Variants in CBFA2T3 observed in about 807,000 individuals in gnomAD.
The protein encoded by CBFA2T3 is transcriptional corepressor CBFA2T3.
Under a neutral mutation model 58.6 loss-of-function variants are expected in CBFA2T3, and 31 were observed. The ratio of observed to expected loss-of-function variants is 0.53; its 90% confidence interval spans 0.40 to 0.71. The LOEUF is 0.71. Ranked by LOEUF, CBFA2T3 falls within the 30% of genes least tolerant of loss-of-function variation. The pLI, the probability that CBFA2T3 is intolerant of heterozygous loss-of-function variation, is 0.00. For synonymous variants in CBFA2T3, 531 were observed against 421.9 expected (o/e 1.26, Z -3.17); for missense variants, 1,076 against 963.1 (o/e 1.12, Z -1.55).
intron 1 of CBFA2T3, among the ~76,000 whole-genome samples, chr16:88,934,845 T>G (rs1428159050): frequency 6.6e-6 from 1 of 152,192 alleles, no homozygotes; most frequent in Non-Finnish European, 1.5e-5. Context: ...GTTCACGCTA[T>G]TCTCCTGCCT....
chr16:88,911,404 G>A (rs1309268347), intron 1 of CBFA2T3, among the ~76,000 whole-genome samples: 1 of 152,250 alleles, frequency 6.6e-6, no homozygotes, highest in Non-Finnish European at 1.5e-5. Context: ...TGGGTAAGAT[G>A]CAGTGCCTCT....
chr16:88,954,438 T>C (rs7498507), intron 1 of CBFA2T3, among the ~76,000 whole-genome samples: 2,665 of 43,812 alleles, frequency 0.061, 238 homozygotes, highest in African/African-American at 0.17. Context: ...CCTGACCCCA[T>C]CCAAGGCTCC....
chr16:88,902,605 G>C (rs1216578516), intron 1 of CBFA2T3: 2 of 152,286 alleles, frequency 1.3e-5, no homozygotes, highest in Non-Finnish European at 2.9e-5. Flanking sequence ...CAGCACAGAC[G>C]TGCCCGAGAC....
In CBFA2T3 at chr16:88,885,240, G is replaced by C; in HGVS notation, c.923C>G (p.Pro308Arg). ...RTKENGSDRD[P>R]LHPEHLSKRP... ...TTTGCTGAGGTGCTCGGGGTGCAGC[G>C]GGTCGCGGTCTGACCCGTTCTCTTT... The change falls in exon 7 of 12, where the codon CCG becomes CGG. Residue 308 changes from proline (P) to arginine (R), a missense_variant. By Grantham distance (103) the Pro-to-Arg change is moderately radical. Transcript: ENST00000268679. The surrounding 1 kb of genome is among the most constrained non-coding windows in gnomAD (Gnocchi z 5.3). The C allele has an allele frequency of 1.3e-6, 2 of 1,578,602 alleles. No homozygotes were observed. The highest frequency in any genetic ancestry group is 1.7e-6 in the Non-Finnish European group (2 of 1,158,564).
At chr16:88,929,769 G>GCTACCCATGCCCACAGCTGCATCA (rs1971220409) in intron 1 of CBFA2T3, among the ~76,000 whole-genome samples, 1 of 143,356 alleles carries the variant, frequency 7.0e-6, no homozygotes, top group Non-Finnish European at 1.5e-5. Flanking sequence ...CAGCTGCATG[G>GCTACCCATGCCCACAGCTGCATCA]TCCACGCAAA....
At chr16:88,906,756 A>G (rs934820845) in intron 1 of CBFA2T3, among the ~76,000 whole-genome samples, 11 of 152,088 alleles carry the variant, frequency 7.2e-5, no homozygotes, top group Admixed American at 7.2e-4. Flanking sequence ...AGGCCCAGAG[A>G]GGGTGAGTGA....
intron 1 of CBFA2T3, among the ~76,000 whole-genome samples, chr16:88,974,221 G>T (rs556164397): frequency 1.3e-5 from 2 of 152,168 alleles, no homozygotes; most frequent in Non-Finnish European, 2.9e-5. Flanking sequence ...AGTGGGCTTG[G>T]GGGGACAAGG....
intron 1 of CBFA2T3, among the ~76,000 whole-genome samples, chr16:88,918,404 G>A (rs939785364): frequency 6.6e-6 from 1 of 152,206 alleles, no homozygotes; most frequent in Non-Finnish European, 1.5e-5. Context: ...GTGGGCTGTG[G>A]CTGCCCCTGG....
At chr16:88,913,349 G>A (rs142347775) in intron 1 of CBFA2T3, among the ~76,000 whole-genome samples, 215 of 152,210 alleles carry the variant, frequency 1.4e-3, no homozygotes, top group African/African-American at 4.6e-3. Context: ...CCACCCCCCT[G>A]AGCTTGCCAA....
chr16:88,930,123 T>A (rs1414090724), intron 1 of CBFA2T3, among the ~76,000 whole-genome samples: 1 of 143,900 alleles, frequency 6.9e-6, no homozygotes, highest in Non-Finnish European at 1.5e-5. Flanking sequence ...TACCCAGAGC[T>A]GCATGGTCCA....
In CBFA2T3 at chr16:88,877,144, G is replaced by A. The variant is rs550809597; in HGVS notation, c.1794C>T (p.Gly598=). The part of the protein sequence containing the change: ...HHHVCGQSLQ[G]PTAVVADPVP... ...CCGGGTCGGCCACCACGGCTGTGGG[G>A]CCCTGCAGGCTCTGGCCACACACGT... The change falls in exon 12 of 12, where the codon GGC becomes GGT. Residue 598 remains glycine, a synonymous_variant. Coordinates refer to ENST00000268679, the MANE Select transcript of CBFA2T3 (RefSeq NM_005187.6). 19 of 1,550,408 alleles carry A rather than the reference G, an allele frequency of 1.2e-5. No homozygotes were observed. The East Asian group carries it at 4.1e-4, about 34-fold the overall frequency.
intron 10 of CBFA2T3, 72 bp from the exon 11 acceptor site, chr16:88,879,532 G>A (rs1968981007): frequency 7.1e-7 from 1 of 1,411,738 alleles, no homozygotes; most frequent in Non-Finnish European, 9.9e-7. Context: ...TCCTACGCGT[G>A]GCCACAACCT....
chr16:88,970,775 C>T (rs1972635380), intron 1 of CBFA2T3, among the ~76,000 whole-genome samples: 1 of 152,230 alleles, frequency 6.6e-6, no homozygotes, highest in South Asian at 2.1e-4. Flanking sequence ...CCTCCTGGGC[C>T]AGCACCGTCT....
chr16:88,935,587 G>A (rs1971471278), intron 1 of CBFA2T3, among the ~76,000 whole-genome samples: 1 of 152,224 alleles, frequency 6.6e-6, no homozygotes, highest in South Asian at 2.1e-4. Flanking sequence ...TCGCGTGGGT[G>A]GAGCAGGCAC....
chr16:88,882,282 G>C (rs1029127796), intron 8 of CBFA2T3, among the ~76,000 whole-genome samples: 1 of 152,242 alleles, frequency 6.6e-6, no homozygotes, highest in African/African-American at 2.4e-5. Context: ...TTATGCATAG[G>C]CATACAGGTG....
chr16:88,925,627 G>A (rs530848135), intron 1 of CBFA2T3, among the ~76,000 whole-genome samples: 1 of 152,222 alleles, frequency 6.6e-6, no homozygotes, highest in Non-Finnish European at 1.5e-5. Flanking sequence ...CCACCTGGAT[G>A]ACTCTGAATG....
At chr16:88,907,571 G>T (rs1970380760) in intron 1 of CBFA2T3, among the ~76,000 whole-genome samples, 1 of 152,248 alleles carries the variant, frequency 6.6e-6, no homozygotes, top group South Asian at 2.1e-4. Flanking sequence ...TGGGGAAACA[G>T]AGGCACAGAG....
chr16:88,907,656 G>C (rs574689450), intron 1 of CBFA2T3, among the ~76,000 whole-genome samples: 7 of 152,328 alleles, frequency 4.6e-5, no homozygotes, highest in African/African-American at 1.2e-4. Context: ...TGGCCACAGA[G>C]GGCACCTGCA....
chr16:88,887,829 C>A (rs1213809068), intron 5 of CBFA2T3, among the ~76,000 whole-genome samples: 1 of 152,184 alleles, frequency 6.6e-6, no homozygotes, highest in Non-Finnish European at 1.5e-5. Context: ...ACTTCTGAAG[C>A]TGCCCTCTGC....
Sources: gnomAD v4.1 joint callset for allele counts (sites outside exome capture counted in the v4.1 genomes callset) on GRCh38, gnomAD v4.1.1 for gene constraint, Gnocchi (gnomAD v3.1) non-coding constraint, MANE v1.5 for transcripts, NCBI Gene and HGNC (gene_info 2026-07-23, HGNC 2026-07-21) for gene names.